The following PREX2 variants were observed in gnomAD, a reference collection of about 807,000 sequenced individuals.
The protein encoded by PREX2 is phosphatidylinositol 3,4,5-trisphosphate-dependent Rac exchanger 2 protein.
Under a neutral mutation model 203.2 loss-of-function variants are expected in PREX2, and 107 were observed. That is an observed-to-expected ratio of 0.53 (90% CI 0.45 to 0.62). PREX2 has a LOEUF of 0.62. PREX2 is among the 20% of genes least tolerant of loss of function. The probability of loss-of-function intolerance (pLI) is 0.00; values close to 1 mark genes in which losing one functional copy is unlikely to be tolerated. For synonymous variants in PREX2, 672 were observed against 663.6 expected (o/e 1.01, Z -0.19); for missense variants, 1,777 against 1,955.9 (o/e 0.91, Z 1.72).
At chr8:68,194,427 T>C (rs112866435) in intron 37 of PREX2, among the ~76,000 whole-genome samples, 4 of 152,152 alleles carry the variant, frequency 2.6e-5, no homozygotes, top group African/African-American at 9.7e-5. Flanking sequence ...AATATCTAGA[T>C]ATTTTAATGC....
At chr8:68,060,332 C>G (rs146526047) in intron 10 of PREX2, among the ~76,000 whole-genome samples, 127 of 152,284 alleles carry the variant, frequency 8.3e-4, no homozygotes, top group African/African-American at 3.0e-3. Context: ...GGATCTGTTG[C>G]AATCCTTTAG....
intron 34 of PREX2, among the ~76,000 whole-genome samples, chr8:68,151,959 A>AT (rs35960058): frequency 0.48 from 72,919 of 151,344 alleles, 18,598 homozygotes; most frequent in African/African-American, 0.67. Context: ...CCTTTATTCA[A>AT]TTTTTTTTCT....
intron 35 of PREX2, among the ~76,000 whole-genome samples, chr8:68,185,092 A>G (rs565062642): frequency 6.6e-6 from 1 of 152,264 alleles, no homozygotes; most frequent in African/African-American, 2.4e-5. Context: ...CTTGTTTTGA[A>G]TGCTGAATGA....
intron 39 of PREX2, among the ~76,000 whole-genome samples, chr8:68,230,750 C>T (rs1265628145): frequency 5.3e-5 from 8 of 152,238 alleles, no homozygotes; most frequent in South Asian, 2.1e-4. Context: ...AGCCCACAGT[C>T]GGGTGAGTGG....
At chr8:67,996,910 A>G (rs888619884) in intron 1 of PREX2, among the ~76,000 whole-genome samples, 8 of 152,174 alleles carry the variant, frequency 5.3e-5, no homozygotes, top group African/African-American at 1.9e-4. Flanking sequence ...TTCTCTGTTG[A>G]ATTCAACTGG....
intron 15 of PREX2, among the ~76,000 whole-genome samples, chr8:68,079,249 G>A (rs1002132551): frequency 1.6e-4 from 25 of 152,204 alleles, no homozygotes; most frequent in African/African-American, 5.3e-4. Flanking sequence ...TGATAGTTTC[G>A]TTTGTTAACT....
rs545684640 is a variant in PREX2 at position 68,171,881 on chromosome 8, A to ATT, written c.4346+14452_4346+14453dup. ...ATGTAAAGAATGCCTTTGTCCTTAAATTTTTTTTATTTATAGAGCTACAGC... is the reference window on the plus strand; with the variant it reads ...ATGTAAAGAATGCCTTTGTCCTTAAATTTTTTTTTTATTTATAGAGCTACAGC... On this transcript the variant is annotated intron_variant, in intron 35 of 39. Transcript: ENST00000288368. 1.4e-3 allele frequency among the ~76,000 whole-genome samples: 215 copies of ATT among 152,136 alleles called. 1 individual carries two copies. Among genetic ancestry groups the ATT allele is most frequent in the African/African-American group, 4.9e-3 (202 of 41,522 alleles).
chr8:68,038,269 G>A lies in PREX2; in HGVS notation c.816G>A (p.Leu272=). 1 of 1,613,566 alleles carries A rather than the reference G, an allele frequency of 6.2e-7. No individual in the cohort carries two copies. Among genetic ancestry groups the A allele is most frequent in the Non-Finnish European group, 8.5e-7 (1 of 1,179,790 alleles). ...ERVFFLFDNL[L]VYCKRKHRRL... ...TGTTTTTTCTTTTCGATAATCTTTT[G>A]GTGTACTGCAAAAGAAAACACAGGT... The change falls in exon 7 of 40, where the codon TTG becomes TTA. Residue 272 remains leucine (L), a synonymous_variant. Transcript: ENST00000288368.
chr8:68,208,603 GAA>G (rs1812687203), intron 37 of PREX2, among the ~76,000 whole-genome samples: 1 of 152,092 alleles, frequency 6.6e-6, no homozygotes, highest in Non-Finnish European at 1.5e-5. Flanking sequence ...GGGACCACGA[GAA>G]AAGCAGAGGA....
rs1260686036 is a variant in PREX2 at position 68,232,517 on chromosome 8, A to G, written c.*1139A>G. 1.3e-5 allele frequency: 2 copies of G among 152,162 alleles called. No individual in the cohort carries two copies. Among genetic ancestry groups the G allele is most frequent in the Non-Finnish European group, 2.9e-5 (2 of 68,040 alleles). 9.4% of individuals were successfully genotyped at this position (152,162 alleles called of 1,614,324 possible). A position where few individuals can be genotyped will look rare whatever the true frequency, so the allele number is the denominator to read the frequency against. Reference sequence around the variant, plus strand: ...CAGTAATATTTATTTTAAATCCATAATTTTCAAACAAAACACTCATGATTG... The same window carrying G: ...CAGTAATATTTATTTTAAATCCATAGTTTTCAAACAAAACACTCATGATTG... On this transcript the variant is annotated 3_prime_UTR_variant, in exon 40 of 40. Transcript: ENST00000288368.
intron 1 of PREX2, among the ~76,000 whole-genome samples, chr8:67,961,330 A>C (rs1355941285): frequency 6.6e-6 from 1 of 152,036 alleles, no homozygotes; most frequent in Non-Finnish European, 1.5e-5. Context: ...CTTCATTAAA[A>C]GTGTTATTAA....
intron 10 of PREX2, among the ~76,000 whole-genome samples, chr8:68,057,564 C>T (rs528234605): frequency 1.3e-5 from 2 of 152,282 alleles, no homozygotes; most frequent in East Asian, 3.9e-4. Flanking sequence ...CTTGTAGGTA[C>T]CTCTTAGCTG....
chr8:68,066,924 T>A (rs1231561214), intron 11 of PREX2, among the ~76,000 whole-genome samples: 1 of 152,046 alleles, frequency 6.6e-6, no homozygotes, highest in African/African-American at 2.4e-5. Flanking sequence ...AGATAAAGGG[T>A]CCCATTTAAT....
chr8:68,205,747 T>C (rs999538785), intron 37 of PREX2, among the ~76,000 whole-genome samples: 9 of 152,248 alleles, frequency 5.9e-5, no homozygotes, highest in African/African-American at 1.9e-4. Context: ...AGAATAAATG[T>C]GATCATTACA....
intron 1 of PREX2, among the ~76,000 whole-genome samples, chr8:68,006,593 C>A (rs1302013984): frequency 6.6e-6 from 1 of 151,938 alleles, no homozygotes; most frequent in Non-Finnish European, 1.5e-5. Flanking sequence ...ACTTGCTGAG[C>A]CACTTGGGGC....
chr8:67,996,099 C>G (rs188602620), intron 1 of PREX2, among the ~76,000 whole-genome samples: 1 of 152,076 alleles, frequency 6.6e-6, no homozygotes, highest in East Asian at 1.9e-4. Flanking sequence ...GATCTAAGTA[C>G]CCTTTTATGT....
chr8:68,184,944 C>T (rs1226879440), intron 35 of PREX2, among the ~76,000 whole-genome samples: 1 of 152,158 alleles, frequency 6.6e-6, no homozygotes, highest in East Asian at 1.9e-4. Flanking sequence ...TCATTACTTA[C>T]CCATTTGATA....
chr8:68,231,099 G>A lies in PREX2; in HGVS notation c.4776-234G>A, dbSNP rs897113367. ...AAAAGCAGCAGGTTTAAAAAATTCA[G>A]GATTGCTTCATCCACAGCCATCAAG... On this transcript the variant is annotated intron_variant, in intron 39 of 39. Coordinates refer to ENST00000288368, the MANE Select transcript of PREX2 (RefSeq NM_024870.4). Among the ~76,000 whole-genome samples the A allele has an allele frequency of 2.6e-5, 4 of 152,126 alleles. No individual in the cohort carries two copies. In the South Asian group the frequency reaches 8.3e-4, roughly 32 times the overall value.
At chr8:68,015,329 A>G (rs1395409442) in intron 1 of PREX2, among the ~76,000 whole-genome samples, 1 of 152,218 alleles carries the variant, frequency 6.6e-6, no homozygotes, top group Non-Finnish European at 1.5e-5. Flanking sequence ...ACTGTTGTAT[A>G]AAATGAGGAC....
Sources: gnomAD v4.1 joint callset for allele counts (sites outside exome capture counted in the v4.1 genomes callset) on GRCh38, gnomAD v4.1.1 for gene constraint, MANE v1.5 for transcripts, NCBI Gene and HGNC (gene_info 2026-07-23, HGNC 2026-07-21) for gene names.